COL5A1: variants seen among roughly 807,000 people sequenced by gnomAD.
COL5A1 encodes the protein collagen alpha-1(V) chain.
Under a neutral mutation model 263.7 loss-of-function variants are expected in COL5A1, and 16 were observed. That is an observed-to-expected ratio of 0.06 (90% CI 0.04 to 0.09). The LOEUF (loss-of-function observed/expected upper bound fraction) is 0.09, where lower values mean the gene tolerates loss of function less well. COL5A1 is among the 10% of genes least tolerant of loss of function. The probability of loss-of-function intolerance (pLI) is 1.00; values close to 1 mark genes in which losing one functional copy is unlikely to be tolerated. For missense variants in COL5A1, 2,036 were observed against 2,540.5 expected (o/e 0.80, Z 4.27); for synonymous variants, 1,012 against 1,004.5 (o/e 1.01, Z -0.14).
At chr9:134,688,233 G>A (rs970282130) in intron 1 of COL5A1, among the ~76,000 whole-genome samples, 4 of 152,172 alleles carry the variant, frequency 2.6e-5, no homozygotes, top group African/African-American at 9.7e-5. Context: ...TTCAGCAATG[G>A]AGAAAACAGG....
intron 1 of COL5A1, among the ~76,000 whole-genome samples, chr9:134,685,087 C>CCATCCATT (rs1832979045): frequency 7.2e-6 from 1 of 139,778 alleles, no homozygotes; most frequent in Admixed American, 7.1e-5. Context: ...CATCCACCCA[C>CCATCCATT]CATCCATCCA....
chr9:134,651,912 T>G (rs1167208711), intron 1 of COL5A1, among the ~76,000 whole-genome samples: 1 of 152,190 alleles, frequency 6.6e-6, no homozygotes, highest in Non-Finnish European at 1.5e-5. Flanking sequence ...CTTCCTGTGC[T>G]ATTTCTCTGC....
chr9:134,722,572 C>G (rs1281187207), intron 4 of COL5A1, among the ~76,000 whole-genome samples: 1 of 152,220 alleles, frequency 6.6e-6, no homozygotes, highest in East Asian at 1.9e-4. Flanking sequence ...GGGCCCAGGA[C>G]CACAGCTGCC....
chr9:134,751,422 G>A (rs1336377141), intron 13 of COL5A1, among the ~76,000 whole-genome samples: 2 of 152,250 alleles, frequency 1.3e-5, no homozygotes, highest in Non-Finnish European at 2.9e-5. Context: ...ATCCAGAAGT[G>A]GAGCCGGAAA....
At chr9:134,724,098 C>T (rs1400925336) in intron 4 of COL5A1, among the ~76,000 whole-genome samples, 2 of 152,152 alleles carry the variant, frequency 1.3e-5, no homozygotes, top group Non-Finnish European at 2.9e-5. Flanking sequence ...CCCTGCCACC[C>T]TCTCACACCT....
intron 42 of COL5A1, 22 bp from the exon 43 acceptor site, chr9:134,809,161 T>G: frequency 6.4e-6 from 10 of 1,550,956 alleles, no homozygotes; most frequent in African/African-American, 1.4e-5. Context: ...ACGTTTGACC[T>G]GAGATCTTCT....
At chr9:134,747,231 G>C (rs1048892114) in intron 11 of COL5A1, among the ~76,000 whole-genome samples, 1 of 152,154 alleles carries the variant, frequency 6.6e-6, no homozygotes, top group Non-Finnish European at 1.5e-5. Context: ...ATTGTTCCGG[G>C]TGTCGGTGAG....
intron 2 of COL5A1, among the ~76,000 whole-genome samples, chr9:134,694,380 C>T (rs145620557): frequency 6.6e-6 from 1 of 152,366 alleles, no homozygotes; most frequent in East Asian, 1.9e-4. Context: ...CCACTGGGCA[C>T]GAACTGGCAG....
Position 134,716,963 on chromosome 9 carries a change from T to G in COL5A1, c.655-10303T>G, listed in dbSNP as rs576692363. Reference sequence around the variant, plus strand: ...ACATGAAAATATTTCTCTGACACTCTCGTTAATAGTGTGAAACTCGTTCTC... The same window carrying G: ...ACATGAAAATATTTCTCTGACACTCGCGTTAATAGTGTGAAACTCGTTCTC... On this transcript the variant is annotated intron_variant, in intron 4 of 65. Transcript: ENST00000371817. The surrounding 1 kb of genome is among the most constrained non-coding windows in gnomAD (Gnocchi z 4.5). 1.3e-5 allele frequency among the ~76,000 whole-genome samples: 2 copies of G among 152,096 alleles called. No individual in the cohort carries two copies. The highest frequency in any genetic ancestry group is 2.9e-5 in the Non-Finnish European group (2 of 68,030).
chr9:134,825,720 G>A (rs1839237619), intron 62 of COL5A1, 72 bp from the exon 63 acceptor site: 14 of 971,548 alleles, frequency 1.4e-5, no homozygotes, highest in Admixed American at 3.6e-5. Context: ...AAATGTCACA[G>A]CGGCTTCCGG....
At chr9:134,831,869 C>T (rs752081789) in intron 64 of COL5A1, among the ~76,000 whole-genome samples, 1 of 152,170 alleles carries the variant, frequency 6.6e-6, no homozygotes, top group Non-Finnish European at 1.5e-5. Flanking sequence ...AGGGACGACC[C>T]AGGGAACACA....
chr9:134,803,007 G>A lies in COL5A1; in HGVS notation c.3114+12G>A. 1 of 1,580,350 alleles carries A rather than the reference G, an allele frequency of 6.3e-7. No individual in the cohort carries two copies. The highest frequency in any genetic ancestry group is 2.3e-5 in the East Asian group (1 of 44,014). Reference sequence around the variant, plus strand: ...AAGAAGGGACGAAGGTGAGTTTCTGGAGCCTTCTGTGTCAGCTCAGGCGTT... The same window carrying A: ...AAGAAGGGACGAAGGTGAGTTTCTGAAGCCTTCTGTGTCAGCTCAGGCGTT... On this transcript the variant is annotated intron_variant, in intron 39 of 65. Transcript: ENST00000371817.
chr9:134,774,833 A>G lies in COL5A1; in HGVS notation c.2332-26A>G, dbSNP rs1021046286. 5 of 1,611,842 alleles carry G rather than the reference A, an allele frequency of 3.1e-6. No individual in the cohort carries two copies. In the South Asian group the frequency reaches 5.5e-5, roughly 18 times the overall value. The stretch of plus-strand genomic sequence containing the variant: ...GGCACCTCCACACTGGCATGGGGCT[A>G]ACGGTCTTTTTCTGTTTGGTTTTAG... On this transcript the variant is annotated intron_variant, in intron 26 of 65. Coordinates refer to ENST00000371817, the MANE Select transcript of COL5A1 (RefSeq NM_000093.5).
chr9:134,747,980 C>A (rs1409123457), intron 11 of COL5A1, among the ~76,000 whole-genome samples: 1 of 151,876 alleles, frequency 6.6e-6, no homozygotes, highest in African/African-American at 2.4e-5. Flanking sequence ...CATTCACACA[C>A]ACATGCATTC....
In COL5A1 at chr9:134,758,438, G is replaced by A. The variant is rs370519890; in HGVS notation, c.1935+142G>A. On this transcript the variant is annotated intron_variant, in intron 18 of 65. Coordinates refer to ENST00000371817, the MANE Select transcript of COL5A1 (RefSeq NM_000093.5). The surrounding 1 kb of genome is among the most constrained non-coding windows in gnomAD (Gnocchi z 4.1). ...CCAACAGTCAGTATACAAACCTCAC[G>A]GGAGTCAGCAATGGCAGTGAGCCCC... The A allele has an allele frequency of 1.1e-4, 94 of 818,078 alleles. 1 individual carries two copies. Among genetic ancestry groups the A allele is most frequent in the African/African-American group, 5.8e-4 (34 of 58,790 alleles). 50.7% of individuals were successfully genotyped at this position (818,078 alleles called of 1,614,324 possible).
At chr9:134,732,000 T>C (rs1449132610) in intron 8 of COL5A1, 71 bp from the exon 9 acceptor site, 23 of 1,561,036 alleles carry the variant, frequency 1.5e-5, no homozygotes, top group East Asian at 2.2e-5. Context: ...CGGGCAGATT[T>C]TGTGTAATCT....
intron 1 of COL5A1, among the ~76,000 whole-genome samples, chr9:134,688,896 G>A (rs1270569364): frequency 1.3e-5 from 2 of 152,302 alleles, no homozygotes; most frequent in African/African-American, 4.8e-5. Flanking sequence ...AATGAGAAAT[G>A]CGGCTTCGAT....
chr9:134,771,499 C>G (rs1836864735), intron 25 of COL5A1, among the ~76,000 whole-genome samples: 1 of 152,228 alleles, frequency 6.6e-6, no homozygotes. Context: ...TTTGCGCCCT[C>G]CCACTCACTT....
chr9:134,647,700 G>C lies in COL5A1; in HGVS notation c.109+5404G>C, dbSNP rs1483778395. Among the ~76,000 whole-genome samples, 1 of 152,194 alleles carries C rather than the reference G, an allele frequency of 6.6e-6. No homozygotes were observed. The highest frequency in any genetic ancestry group is 1.5e-5 in the Non-Finnish European group (1 of 68,034). Reference sequence around the variant, plus strand: ...GTGGGTTCTGCCGCAGGGCAAGCCGGGTCCAGCTGGATCCGACAATTTCAT... The same window carrying C: ...GTGGGTTCTGCCGCAGGGCAAGCCGCGTCCAGCTGGATCCGACAATTTCAT... On this transcript the variant is annotated intron_variant, in intron 1 of 65. Coordinates refer to ENST00000371817, the MANE Select transcript of COL5A1 (RefSeq NM_000093.5). The surrounding 1 kb of genome is among the most constrained non-coding windows in gnomAD (Gnocchi z 5.0).
Sources: gnomAD v4.1 joint callset for allele counts (sites outside exome capture counted in the v4.1 genomes callset) on GRCh38, gnomAD v4.1.1 for gene constraint, Gnocchi (gnomAD v3.1) non-coding constraint, MANE v1.5 for transcripts, NCBI Gene and HGNC (gene_info 2026-07-23, HGNC 2026-07-21) for gene names.